CLASRP: variants seen among roughly 807,000 people sequenced by gnomAD.
CLASRP encodes CLK4 associating serine/arginine rich protein.
A neutral mutation model predicts 99.9 loss-of-function variants in CLASRP; 52 were observed. The observed-to-expected ratio is 0.52, with a 90% CI of 0.42 to 0.66. The LOEUF (loss-of-function observed/expected upper bound fraction) is 0.66, where lower values mean the gene tolerates loss of function less well. Ranked by LOEUF, CLASRP falls within the 30% of genes least tolerant of loss-of-function variation. CLASRP has a pLI of 0.00. For missense variants in CLASRP, 848 were observed against 999.2 expected (o/e 0.85, Z 2.04); for synonymous variants, 379 against 373.0 (o/e 1.02, Z -0.18).
rs145608024 is a variant in CLASRP, at chr19:45,067,066, G to A, written c.1410-271G>A. ...CCTCCCGGGAAGTTAGCAAGCGGGT[G>A]TCTAGTGAGGGAGAGGTGACGTGGG... is the stretch of plus-strand genomic sequence containing the variant. On this transcript the variant is annotated intron_variant, in intron 13 of 20. Transcript: ENST00000221455. This position sits in a 1 kb window ranked among gnomAD's most constrained non-coding sequence, Gnocchi z 4.9. Among the ~76,000 whole-genome samples, 116 of 152,334 alleles carry A rather than the reference G, an allele frequency of 7.6e-4. 2 individuals are homozygous for A. In the East Asian group the frequency reaches 0.021, roughly 27 times the overall value.
chr19:45,069,993 G>A (rs112812697), intron 18 of CLASRP, 29 bp from the exon 19 acceptor site: 18,596 of 1,330,076 alleles, frequency 0.014, 159 homozygotes, highest in African/African-American at 0.022. Flanking sequence ...CAGTGTTCCC[G>A]GCCAGATGCT....
At chr19:45,061,111 G>T (rs567727026) in intron 10 of CLASRP, among the ~76,000 whole-genome samples, 4 of 152,218 alleles carry the variant, frequency 2.6e-5, no homozygotes, top group Non-Finnish European at 5.9e-5. Context: ...GATGAGGCAG[G>T]CTGGCTTGGA....
At position 45,059,436 on chromosome 19, in the gene CLASRP, A is replaced by G; in HGVS notation, c.710+72A>G. The G allele has an allele frequency of 2.4e-6, 3 of 1,227,190 alleles. No individual in the cohort carries two copies. In the South Asian group the frequency reaches 3.9e-5, roughly 16 times the overall value. 76.0% of individuals were successfully genotyped at this position (1,227,190 alleles called of 1,614,324 possible). On this transcript the variant is annotated intron_variant, in intron 8 of 20. Transcript: ENST00000221455. ...CTGGCATCTCACTATTACTCCCGGT[A>G]TTGACAGCCATCCTGTTTGTGAGCA...
chr19:45,064,047 G>T lies in CLASRP; in HGVS notation c.941G>T (p.Arg314Leu). 1.6e-5 allele frequency: 25 copies of T among 1,612,588 alleles called. No individual in the cohort carries two copies. Among genetic ancestry groups the T allele is most frequent in the Non-Finnish European group, 2.1e-5 (25 of 1,179,782 alleles). The change falls in exon 12 of 21, where the codon CGC (arginine) becomes CTC (leucine). Residue 314 changes from arginine (R) to leucine (L), a missense_variant. Transcript: ENST00000221455. ...PSESSSESRSRSRSPTPGREE... is the reference protein window; with the variant it reads ...PSESSSESRSLSRSPTPGREE... ...GAGTCCAGCTCAGAGTCCCGCTCCC[G>T]CTCCCGCTCCCCGACCCCGGGCCGC...
chr19:45,046,888 G>A lies in CLASRP; in HGVS notation c.100-5183G>A, dbSNP rs145224471. On this transcript the variant is annotated intron_variant, in intron 2 of 20. Transcript: ENST00000221455. ...ACTAAAAATACAAAATTAGCTGGGCGTTGTGGCACATGCCTGCAGTTCCAG... is the reference window on the plus strand; with the variant it reads ...ACTAAAAATACAAAATTAGCTGGGCATTGTGGCACATGCCTGCAGTTCCAG... Among the ~76,000 whole-genome samples, 972 of 152,292 alleles carry A rather than the reference G, an allele frequency of 6.4e-3. 5 individuals carry two copies. The highest frequency in any genetic ancestry group is 0.01 in the Non-Finnish European group (701 of 68,024).
intron 2 of CLASRP, among the ~76,000 whole-genome samples, chr19:45,048,861 C>G (rs934161439): frequency 5.3e-5 from 8 of 151,090 alleles, no homozygotes; most frequent in Non-Finnish European, 1.2e-4. Flanking sequence ...TGGCGGGCAC[C>G]TGTAATCCCA....
At chr19:45,049,447 T>C (rs76208894) in intron 2 of CLASRP, among the ~76,000 whole-genome samples, 1,771 of 152,240 alleles carry the variant, frequency 0.012, 47 homozygotes, top group African/African-American at 0.04. Flanking sequence ...TGGTCTTGAG[T>C]GTTCCTTAGA....
At chr19:45,070,178 A>G in intron 19 of CLASRP, 74 bp downstream of exon 19, 1 of 1,012,922 alleles carries the variant, frequency 9.9e-7, no homozygotes, top group East Asian at 2.4e-5. Flanking sequence ...CAAAAAAACC[A>G]TAGTACAGCC....
At chr19:45,069,178 T>C (rs1320182547) in intron 17 of CLASRP, 24 bp from the exon 18 acceptor site, 2 of 1,613,848 alleles carry the variant, frequency 1.2e-6, no homozygotes, top group East Asian at 4.5e-5. Flanking sequence ...CCTGGCCACG[T>C]CCTCATAGCC....
intron 2 of CLASRP, among the ~76,000 whole-genome samples, chr19:45,043,258 A>C (rs1483550614): frequency 2.0e-5 from 3 of 148,660 alleles, no homozygotes; most frequent in Non-Finnish European, 4.5e-5. Context: ...TACAAATACA[A>C]AAAATTAGCT....
In CLASRP at chr19:45,065,391, A is replaced by AG. The variant is rs1196306386; in HGVS notation, c.1409+761_1409+762insG. Among the ~76,000 whole-genome samples the AG allele has an allele frequency of 5.9e-3, 811 of 136,668 alleles. 7 individuals are homozygous for AG. Among genetic ancestry groups the AG allele is most frequent in the Non-Finnish European group, 7.1e-3 (458 of 64,158 alleles). 89.7% of individuals were successfully genotyped at this position (136,668 alleles called of 152,430 possible). On this transcript the variant is annotated intron_variant, in intron 13 of 20. Coordinates refer to ENST00000221455, the MANE Select transcript of CLASRP (RefSeq NM_007056.3). Reference sequence around the variant, plus strand: ...GTGACAGAGTGAGATTCCGTCTCAAAAAAAAAAAAAAAAAAAAAAATTAGC... The same window carrying AG: ...GTGACAGAGTGAGATTCCGTCTCAAAGAAAAAAAAAAAAAAAAAAAATTAGC...
chr19:45,043,126 G>C (rs1333204954), intron 2 of CLASRP, among the ~76,000 whole-genome samples: 1 of 151,344 alleles, frequency 6.6e-6, no homozygotes, highest in East Asian at 1.9e-4. Flanking sequence ...ATTATGAATA[G>C]ACAAATATTC....
At chr19:45,044,038 C>T (rs912816251) in intron 2 of CLASRP, among the ~76,000 whole-genome samples, 2 of 152,142 alleles carry the variant, frequency 1.3e-5, no homozygotes, top group Non-Finnish European at 2.9e-5. Flanking sequence ...CCCACCACCA[C>T]GCCCGGCTAA....
At chr19:45,068,316 C>A in intron 15 of CLASRP, 104 bp from the exon 16 acceptor site, 4 of 634,016 alleles carry the variant, frequency 6.3e-6, no homozygotes, top group Admixed American at 2.5e-5. Flanking sequence ...CGTTCTCCCC[C>A]CCCCACCCCC....
intron 4 of CLASRP, 36 bp downstream of exon 4, chr19:45,052,928 T>G: frequency 1.3e-6 from 2 of 1,570,308 alleles, no homozygotes; most frequent in Non-Finnish European, 1.7e-6. Context: ...AGGCACAGCG[T>G]CATACCCAGG....
At chr19:45,041,303 G>A (rs1451722106) in intron 2 of CLASRP, among the ~76,000 whole-genome samples, 1 of 151,372 alleles carries the variant, frequency 6.6e-6, no homozygotes, top group Non-Finnish European at 1.5e-5. Context: ...TCCCTCTCCT[G>A]TCTGATGCTT....
At chr19:45,040,649 G>A (rs1260659596) in intron 2 of CLASRP, 1 of 225,300 alleles carries the variant, frequency 4.4e-6, no homozygotes, top group African/African-American at 2.2e-5. Flanking sequence ...TCCCAGAAGA[G>A]CTCAGCCACT....
intron 11 of CLASRP, 30 bp from the exon 12 acceptor site, chr19:45,063,982 G>A (rs1479186615): frequency 1.9e-6 from 3 of 1,579,004 alleles, no homozygotes; most frequent in African/African-American, 2.7e-5. Context: ...GGGAGCCTGA[G>A]CTAGTGAGCC....
chr19:45,067,379 G>A lies in CLASRP; in HGVS notation c.1452G>A (p.Arg484=). ...GGGACCGCTACAGGCGGGGCGGCCG[G>A]GGCCTCAGGCACCACAGCAGTAGCC... The part of the protein sequence containing the change: ...HSGDRYRRGG[R]GLRHHSSSRS... Residue 484 remains arginine, a synonymous_variant, in exon 14 of 21, where the codon CGG becomes CGA. Coordinates refer to ENST00000221455, the MANE Select transcript of CLASRP (RefSeq NM_007056.3). This position sits in a 1 kb window ranked among gnomAD's most constrained non-coding sequence, Gnocchi z 4.9. 2 of 1,531,788 alleles carry A rather than the reference G, an allele frequency of 1.3e-6. No individual in the cohort carries two copies. The highest frequency in any genetic ancestry group is 1.7e-6 in the Non-Finnish European group (2 of 1,144,048). 94.9% of individuals were successfully genotyped at this position (1,531,788 alleles called of 1,614,324 possible). A position where few individuals can be genotyped will look rare whatever the true frequency, so the allele number is the denominator to read the frequency against.
Sources: gnomAD v4.1 joint callset for allele counts (sites outside exome capture counted in the v4.1 genomes callset) on GRCh38, gnomAD v4.1.1 for gene constraint, Gnocchi (gnomAD v3.1) non-coding constraint, MANE v1.5 for transcripts, NCBI Gene and HGNC (gene_info 2026-07-23, HGNC 2026-07-21) for gene names.